The following EFL1 variants were observed in gnomAD, a reference collection of about 807,000 sequenced individuals.
EFL1 encodes elongation factor like GTPase 1.
Under a neutral mutation model 126.7 loss-of-function variants are expected in EFL1, and 76 were observed. The ratio of observed to expected loss-of-function variants is 0.60; its 90% confidence interval spans 0.50 to 0.73. The LOEUF (loss-of-function observed/expected upper bound fraction) is 0.73, where lower values mean the gene tolerates loss of function less well. EFL1 is among the 30% of genes least tolerant of loss of function. The probability of loss-of-function intolerance (pLI) is 0.00; values close to 1 mark genes in which losing one functional copy is unlikely to be tolerated. For synonymous variants in EFL1, 410 were observed against 448.4 expected (o/e 0.91, Z 1.08); for missense variants, 1,128 against 1,343.2 (o/e 0.84, Z 2.50).
At chr15:82,217,004 A>C (rs144610449) in intron 14 of EFL1, among the ~76,000 whole-genome samples, 26 of 152,266 alleles carry the variant, frequency 1.7e-4, no homozygotes, top group African/African-American at 5.8e-4. Flanking sequence ...ATAATAGAAA[A>C]ACAGGGAAAT....
intron 15 of EFL1, among the ~76,000 whole-genome samples, chr15:82,186,883 C>T (rs980657471): frequency 2.6e-5 from 4 of 152,128 alleles, no homozygotes; most frequent in Non-Finnish European, 5.9e-5. Context: ...CTGGAACTGA[C>T]ATCTCAGCGC....
intron 17 of EFL1, among the ~76,000 whole-genome samples, chr15:82,154,246 G>C (rs1555424957): frequency 1.3e-5 from 2 of 152,114 alleles, no homozygotes; most frequent in Admixed American, 1.3e-4. Flanking sequence ...AGTGCGGTAG[G>C]CTCAGGCTAC....
intron 15 of EFL1, among the ~76,000 whole-genome samples, chr15:82,193,116 G>A (rs1567057893): frequency 6.6e-6 from 1 of 152,140 alleles, no homozygotes; most frequent in Non-Finnish European, 1.5e-5. Flanking sequence ...AATAGGTATT[G>A]CTTTTAAAAC....
intron 14 of EFL1, among the ~76,000 whole-genome samples, chr15:82,218,204 T>TA (rs1220179041): frequency 6.6e-6 from 1 of 152,216 alleles, no homozygotes; most frequent in African/African-American, 2.4e-5. Flanking sequence ...TTCAAGCTGC[T>TA]ACATTTGTTG....
intron 17 of EFL1, among the ~76,000 whole-genome samples, chr15:82,154,365 C>G (rs1265858939): frequency 6.6e-6 from 1 of 152,168 alleles, no homozygotes; most frequent in Admixed American, 6.5e-5. Context: ...GTCTCCTTGT[C>G]TCCCATTCCT....
chr15:82,231,738 G>A (rs2074824628), intron 7 of EFL1, among the ~76,000 whole-genome samples: 1 of 151,564 alleles, frequency 6.6e-6, no homozygotes, highest in Non-Finnish European at 1.5e-5. Context: ...CACAAGAAAA[G>A]GAAATAAAGG....
chr15:82,249,964 C>T (rs142777670), intron 4 of EFL1, among the ~76,000 whole-genome samples: 1 of 151,982 alleles, frequency 6.6e-6, no homozygotes. Context: ...AATTAAGAGT[C>T]AGAACCACAG....
At chr15:82,251,370 G>A (rs1318913250) in intron 4 of EFL1, among the ~76,000 whole-genome samples, 3 of 152,148 alleles carry the variant, frequency 2.0e-5, no homozygotes, top group African/African-American at 4.8e-5. Flanking sequence ...ATGTGAATTG[G>A]AACAGGTGAA....
At position 82,260,424 on chromosome 15, in the gene EFL1, T is replaced by A. The variant is rs112410876; in HGVS notation, c.91+1264A>T. 2.1e-4 allele frequency among the ~76,000 whole-genome samples: 32 copies of A among 152,292 alleles called. 1 individual carries two copies. Among genetic ancestry groups the A allele is most frequent in the African/African-American group, 7.5e-4 (31 of 41,556 alleles). On this transcript the variant is annotated intron_variant, in intron 2 of 19. Transcript: ENST00000268206. ...TACTCACATTACTTCAGCTCTTCTATCAATGACAACAGCCACCTAATCTCT... is the reference window on the plus strand; with the variant it reads ...TACTCACATTACTTCAGCTCTTCTAACAATGACAACAGCCACCTAATCTCT...
At chr15:82,231,793 C>T (rs958450600) in intron 7 of EFL1, among the ~76,000 whole-genome samples, 22 of 152,304 alleles carry the variant, frequency 1.4e-4, no homozygotes, top group Admixed American at 6.5e-4. Context: ...TTTGTTCACA[C>T]GTGACTCTTT....
chr15:82,168,777 G>T (rs2074104018), intron 15 of EFL1, among the ~76,000 whole-genome samples: 1 of 152,202 alleles, frequency 6.6e-6, no homozygotes, highest in South Asian at 2.1e-4. Context: ...GCCTCCCAAA[G>T]TGCTGGGATT....
intron 15 of EFL1, among the ~76,000 whole-genome samples, chr15:82,180,384 CAAACAAAAA>C (rs2074240111): frequency 9.9e-6 from 1 of 101,400 alleles, no homozygotes; most frequent in African/African-American, 6.1e-5. Flanking sequence ...AAAAAAAAAA[CAAACAAAAA>C]AAACCAGCCA....
At chr15:82,147,037 G>T (rs1206747949) in intron 18 of EFL1, among the ~76,000 whole-genome samples, 1 of 152,106 alleles carries the variant, frequency 6.6e-6, no homozygotes, top group Admixed American at 6.5e-5. Flanking sequence ...TGTCCAGGTG[G>T]TGATTTTCTA....
intron 15 of EFL1, among the ~76,000 whole-genome samples, chr15:82,178,405 A>G (rs1342524721): frequency 6.6e-6 from 1 of 152,196 alleles, no homozygotes; most frequent in Non-Finnish European, 1.5e-5. Context: ...CCATAGATAC[A>G]TGAACACTAG....
intron 10 of EFL1, 105 bp from the exon 11 acceptor site, chr15:82,227,677 A>G: frequency 6.7e-7 from 1 of 1,495,874 alleles, no homozygotes; most frequent in Non-Finnish European, 9.1e-7. Flanking sequence ...CTGTCCATAC[A>G]GAAAATGCCT....
rs1168328608 is a variant in EFL1 at position 82,131,706 on chromosome 15, C to G, written c.3175-1145G>C. On this transcript the variant is annotated intron_variant, in intron 19 of 19. Coordinates refer to ENST00000268206, the MANE Select transcript of EFL1 (RefSeq NM_024580.6). ...ACTTGGGAGGCTGAGGCAGGAGAAT[C>G]TCTTGAACCCAGGAGGTGGAGGTTG... is the stretch of plus-strand genomic sequence containing the variant. Among the ~76,000 whole-genome samples the G allele has an allele frequency of 2.0e-5, 3 of 152,042 alleles. No individual in the cohort carries two copies. The South Asian group carries it at 6.2e-4, about 31-fold the overall frequency.
chr15:82,185,258 T>C (rs2074292552), intron 15 of EFL1, among the ~76,000 whole-genome samples: 1 of 151,106 alleles, frequency 6.6e-6, no homozygotes, highest in Non-Finnish European at 1.5e-5. Context: ...TCACCTACTT[T>C]CAAAACTAAC....
chr15:82,241,784 C>CT (rs903950514), intron 4 of EFL1, among the ~76,000 whole-genome samples: 7 of 152,162 alleles, frequency 4.6e-5, no homozygotes, highest in Non-Finnish European at 5.9e-5. Context: ...AAATCAATGC[C>CT]TAAGGGCCTG....
intron 15 of EFL1, among the ~76,000 whole-genome samples, chr15:82,209,293 C>A (rs2074558020): frequency 6.9e-6 from 1 of 144,494 alleles, no homozygotes; most frequent in African/African-American, 2.7e-5. Flanking sequence ...CCCCACATGA[C>A]TAAGGATTCA....
Sources: gnomAD v4.1 joint callset for allele counts (sites outside exome capture counted in the v4.1 genomes callset) on GRCh38, gnomAD v4.1.1 for gene constraint, MANE v1.5 for transcripts, NCBI Gene and HGNC (gene_info 2026-07-23, HGNC 2026-07-21) for gene names.